The following CSMD1 variants were observed in gnomAD, a reference collection of about 807,000 sequenced individuals.
CSMD1 encodes the protein CUB and sushi domain-containing protein 1.
CSMD1 carries 213 observed loss-of-function variants against 417.5 expected under a neutral mutation model. That is an observed-to-expected ratio of 0.51 (90% CI 0.46 to 0.57). The LOEUF (loss-of-function observed/expected upper bound fraction) is 0.57. Among genes scored for constraint, CSMD1 ranks in the 20% least tolerant of loss-of-function variants. The pLI is 0.00. For missense variants in CSMD1, 6,923 were observed against 4,529.7 expected (o/e 1.53, Z -15.17); for synonymous variants, 2,862 against 1,736.8 (o/e 1.65, Z -16.11).
chr8:3,693,139 C>T (rs1433987060), intron 7 of CSMD1, among the ~76,000 whole-genome samples: 1 of 152,062 alleles, frequency 6.6e-6, no homozygotes, highest in African/African-American at 2.4e-5. Flanking sequence ...GATAGTCACC[C>T]ACACTGTGTC....
intron 3 of CSMD1, among the ~76,000 whole-genome samples, chr8:4,296,094 C>G (rs371866724): frequency 6.6e-6 from 1 of 152,170 alleles, no homozygotes; most frequent in East Asian, 1.9e-4. Flanking sequence ...TTGTTTTTCT[C>G]TTTGCAAGGA....
intron 1 of CSMD1, among the ~76,000 whole-genome samples, chr8:4,724,613 T>C (rs1010687720): frequency 4.0e-5 from 6 of 151,814 alleles, no homozygotes; most frequent in African/African-American, 1.5e-4. Flanking sequence ...TAATATATTA[T>C]GTGATATTAT....
intron 23 of CSMD1, among the ~76,000 whole-genome samples, chr8:3,335,937 C>A (rs1033124540): frequency 6.6e-6 from 1 of 152,146 alleles, no homozygotes; most frequent in African/African-American, 2.4e-5. Flanking sequence ...AAAGTCTGGC[C>A]TTCCTACCCA....
At chr8:3,263,201 C>A (rs571564451) in intron 26 of CSMD1, among the ~76,000 whole-genome samples, 1 of 152,132 alleles carries the variant, frequency 6.6e-6, no homozygotes, top group Non-Finnish European at 1.5e-5. Context: ...TGGGTTCAAG[C>A]GATTCTCCTG....
chr8:3,142,625 G>T lies in CSMD1; in HGVS notation c.6081C>A (p.Phe2027Leu). ...GGTAAGGTCCATTTTGAATTTCAAG[G>T]AAGTCATGATTAGCTTCGGTAGAAA... The part of the protein sequence containing the change: ...LNFSTEANHD[F>L]LEIQNGPYHT... The change falls in exon 41 of 70, where the codon TTC becomes TTA. Residue 2027 changes from phenylalanine (F) to leucine (L), a missense_variant. Physicochemically the swap from Phe to Leu is conservative, Grantham distance 22. Coordinates refer to ENST00000635120, the MANE Select transcript of CSMD1 (RefSeq NM_033225.6). 6.2e-7 allele frequency: 1 copy of T among 1,613,986 alleles called. No individual in the cohort carries two copies. Among genetic ancestry groups the T allele is most frequent in the Middle Eastern group, 1.7e-4 (1 of 6,056 alleles).
At chr8:4,091,549 C>T (rs970835187) in intron 3 of CSMD1, among the ~76,000 whole-genome samples, 18 of 152,152 alleles carry the variant, frequency 1.2e-4, no homozygotes, top group African/African-American at 3.6e-4. Context: ...GCAATGCAAA[C>T]GTGGCCACCG....
At chr8:3,091,075 T>C (rs7017833) in intron 48 of CSMD1, among the ~76,000 whole-genome samples, 95,319 of 151,814 alleles carry the variant, frequency 0.63, 30,012 homozygotes, top group East Asian at 0.68. Context: ...TATACACATA[T>C]ATGTAGTGTG....
chr8:4,214,576 G>A, intron 3 of CSMD1, among the ~76,000 whole-genome samples: 1 of 152,266 alleles, frequency 6.6e-6, no homozygotes, highest in East Asian at 1.9e-4. Flanking sequence ...GGAATTACAG[G>A]CATGAGCCAC....
At chr8:3,075,263 T>TTTTC (rs767009467) in intron 49 of CSMD1, among the ~76,000 whole-genome samples, 1 of 36,038 alleles carries the variant, frequency 2.8e-5, no homozygotes, top group African/African-American at 6.7e-5. Flanking sequence ...TTTCTTTTTC[T>TTTTC]TTTCTTTTCT....
chr8:4,156,115 C>G (rs1489919732), intron 3 of CSMD1, among the ~76,000 whole-genome samples: 1 of 152,110 alleles, frequency 6.6e-6, no homozygotes, highest in Non-Finnish European at 1.5e-5. Context: ...ATCATCCGAT[C>G]CTGACATTAA....
In CSMD1 at chr8:4,031,801, T is replaced by G. The variant is rs1797360554; in HGVS notation, c.610+104A>C. 4.7e-6 allele frequency: 4 copies of G among 845,306 alleles called. No individual in the cohort carries two copies. The East Asian group carries it at 8.3e-5, about 17-fold the overall frequency. 52.4% of individuals were successfully genotyped at this position (845,306 alleles called of 1,614,324 possible). On this transcript the variant is annotated intron_variant, in intron 4 of 69. Transcript: ENST00000635120. Reference sequence around the variant, plus strand: ...ATGAGCTGACATTGTAAGAGTCAGCTCAACATGTATTATTTTCATTTAAGT... The same window carrying G: ...ATGAGCTGACATTGTAAGAGTCAGCGCAACATGTATTATTTTCATTTAAGT...
intron 1 of CSMD1, among the ~76,000 whole-genome samples, chr8:4,865,829 T>G (rs557248937): frequency 2.7e-4 from 41 of 152,064 alleles, no homozygotes; most frequent in African/African-American, 9.6e-4. Context: ...AAAATTAATC[T>G]TCTTTCTTAT....
chr8:4,640,841 G>T (rs1803144365), intron 1 of CSMD1, among the ~76,000 whole-genome samples: 1 of 141,490 alleles, frequency 7.1e-6, no homozygotes, highest in Non-Finnish European at 1.5e-5. Context: ...ATTTTACAGG[G>T]ATTGAAACCT....
At chr8:4,512,994 T>G (rs1422233752) in intron 2 of CSMD1, among the ~76,000 whole-genome samples, 1 of 151,766 alleles carries the variant, frequency 6.6e-6, no homozygotes, top group African/African-American at 2.4e-5. Context: ...TTGCCAGGAG[T>G]TGAGGGAGAG....
chr8:3,794,707 C>G (rs1219986464), intron 5 of CSMD1, among the ~76,000 whole-genome samples: 3 of 151,982 alleles, frequency 2.0e-5, no homozygotes, highest in African/African-American at 7.3e-5. Context: ...TGACTGTAAA[C>G]CTAGCAAAAC....
chr8:4,622,334 C>G (rs1232618066), intron 2 of CSMD1, among the ~76,000 whole-genome samples: 2 of 152,190 alleles, frequency 1.3e-5, no homozygotes, highest in South Asian at 4.2e-4. Flanking sequence ...AGCAAAAATG[C>G]ATGCTGAGGC....
At chr8:2,957,948 T>A (rs1803135944) in intron 62 of CSMD1, 141 bp from the exon 63 acceptor site, 1 of 626,734 alleles carries the variant, frequency 1.6e-6, no homozygotes, top group Non-Finnish European at 2.9e-6. Flanking sequence ...TAAGTCAACA[T>A]GTACATTTTA....
At chr8:4,121,372 C>T (rs1245443669) in intron 3 of CSMD1, among the ~76,000 whole-genome samples, 1 of 152,120 alleles carries the variant, frequency 6.6e-6, no homozygotes, top group Non-Finnish European at 1.5e-5. Flanking sequence ...ACCTTGGCCT[C>T]CCAAAGGGCT....
chr8:3,667,526 G>T (rs1488716951), intron 7 of CSMD1, among the ~76,000 whole-genome samples: 1 of 152,090 alleles, frequency 6.6e-6, no homozygotes, highest in Non-Finnish European at 1.5e-5. Context: ...GGAGCTGTTG[G>T]GATGAGGTCA....
Sources: allele counts gnomAD v4.1 joint callset (sites outside exome capture counted in the v4.1 genomes callset), GRCh38; gene constraint gnomAD v4.1.1; transcripts MANE v1.5; gene names NCBI Gene and HGNC (gene_info 2026-07-23, HGNC 2026-07-21).